Variants in PCNX1 observed in about 807,000 individuals in gnomAD.
PCNX1 encodes pecanex-like protein 1.
A neutral mutation model predicts 242.2 loss-of-function variants in PCNX1; 78 were observed. That is an observed-to-expected ratio of 0.32 (90% CI 0.27 to 0.39). The LOEUF is 0.39. Among genes scored for constraint, PCNX1 ranks in the 10% least tolerant of loss-of-function variants. The pLI is 1.00. For missense variants in PCNX1, 2,581 were observed against 2,856.5 expected, an observed-to-expected ratio of 0.90 and a Z score of 2.20; for synonymous variants, 1,024 against 1,032.9, an observed-to-expected ratio of 0.99 and a Z score of 0.17.
At chr14:70,993,256 G>T (rs1442880236) in intron 7 of PCNX1, among the ~76,000 whole-genome samples, 1 of 151,412 alleles carries the variant, frequency 6.6e-6, no homozygotes, top group African/African-American at 2.4e-5. Context: ...TAGTAGCTGG[G>T]ATTACAGGCG....
At chr14:71,051,813 G>T (rs2061043848) in intron 23 of PCNX1, 70 bp from the exon 24 acceptor site, 4 of 1,494,650 alleles carry the variant, frequency 2.7e-6, no homozygotes, top group Non-Finnish European at 3.6e-6. Flanking sequence ...TGTCTGCTAG[G>T]TTTTTGCGAG....
At chr14:70,995,514 G>T (rs1158319605) in intron 7 of PCNX1, among the ~76,000 whole-genome samples, 3 of 152,102 alleles carry the variant, frequency 2.0e-5, no homozygotes, top group Admixed American at 6.5e-5. Context: ...CAATTTACAT[G>T]TACATTTAAT....
intron 3 of PCNX1, among the ~76,000 whole-genome samples, chr14:70,964,897 T>G (rs918322125): frequency 3.3e-5 from 5 of 152,202 alleles, no homozygotes; most frequent in African/African-American, 1.2e-4. Context: ...AATAAATGGT[T>G]GACATAATTA....
Position 71,108,930 on chromosome 14 carries a change from G to T in PCNX1, c.6628G>T (p.Gly2210Cys). ...IPACKHHTLV[G>C]FLATEGGQSS... ...AGCCTGCAAACATCACACTCTCGTG[G>T]GCTTTCTTGCGACAGAGGGAGGTCA... The change falls in exon 34 of 36, where the codon GGC becomes TGC. Residue 2210 changes from glycine to cysteine, a missense_variant. Coordinates refer to ENST00000304743, the MANE Select transcript of PCNX1 (RefSeq NM_014982.3). 6.2e-7 allele frequency: 1 copy of T among 1,614,224 alleles called. No homozygotes were observed. Among genetic ancestry groups the T allele is most frequent in the Non-Finnish European group, 8.5e-7 (1 of 1,180,044 alleles).
At chr14:70,956,175 A>G (rs1346639856) in intron 2 of PCNX1, among the ~76,000 whole-genome samples, 1 of 152,194 alleles carries the variant, frequency 6.6e-6, no homozygotes, top group East Asian at 1.9e-4. Context: ...CCTGCTCTAA[A>G]TAATGGTGTT....
intron 30 of PCNX1, among the ~76,000 whole-genome samples, chr14:71,100,378 A>G (rs2062431576): frequency 6.6e-6 from 1 of 152,134 alleles, no homozygotes; most frequent in Non-Finnish European, 1.5e-5. Context: ...AGGATATGAA[A>G]TTCTTGGTTG....
intron 1 of PCNX1, among the ~76,000 whole-genome samples, chr14:70,945,138 C>T (rs964247871): frequency 2.6e-4 from 40 of 152,148 alleles, no homozygotes; most frequent in African/African-American, 9.2e-4. Context: ...AAACCAGCCC[C>T]GGCTCCTGAG....
chr14:71,014,397 C>T (rs773026863), intron 11 of PCNX1, among the ~76,000 whole-genome samples: 13 of 152,160 alleles, frequency 8.5e-5, no homozygotes, highest in East Asian at 1.9e-4. Context: ...AGTGAGAAAA[C>T]GACCTCTAAC....
At chr14:70,994,396 G>GATAGATATATATATATATATATATAT (rs1555357306) in intron 7 of PCNX1, among the ~76,000 whole-genome samples, 5 of 96,960 alleles carry the variant, frequency 5.2e-5, no homozygotes, top group Non-Finnish European at 8.7e-5. Flanking sequence ...ACAGGCTTAA[G>GATAGATATATATATATATATATATAT]ATATATATAT....
intron 8 of PCNX1, among the ~76,000 whole-genome samples, chr14:71,001,519 T>C (rs746248317): frequency 3.3e-5 from 5 of 152,238 alleles, no homozygotes; most frequent in Non-Finnish European, 7.3e-5. Context: ...ACTAGAATAT[T>C]ATTTCAAATA....
intron 26 of PCNX1, among the ~76,000 whole-genome samples, chr14:71,066,908 C>T (rs554698536): frequency 1.1e-4 from 16 of 152,182 alleles, no homozygotes; most frequent in East Asian, 7.7e-4. Flanking sequence ...TGATGGATTA[C>T]GTTTATTGAT....
At chr14:71,044,742 C>G (rs1347796864) in intron 19 of PCNX1, 8 of 174,660 alleles carry the variant, frequency 4.6e-5, no homozygotes, top group Non-Finnish European at 7.2e-5. Flanking sequence ...AAACAGTGCA[C>G]TCAGCCAACT....
intron 22 of PCNX1, among the ~76,000 whole-genome samples, chr14:71,050,237 A>G (rs143595939): frequency 6.6e-6 from 1 of 152,058 alleles, no homozygotes; most frequent in Non-Finnish European, 1.5e-5. Context: ...TTAGTTACAT[A>G]TGTATACATG....
chr14:71,104,851 T>C (rs2062565985), intron 32 of PCNX1, among the ~76,000 whole-genome samples: 1 of 151,952 alleles, frequency 6.6e-6, no homozygotes, highest in Admixed American at 6.6e-5. Flanking sequence ...CGTTTGAACT[T>C]GGAGGTGGAG....
chr14:71,065,881 C>A (rs1310809761), intron 26 of PCNX1, among the ~76,000 whole-genome samples: 3 of 152,164 alleles, frequency 2.0e-5, no homozygotes, highest in Non-Finnish European at 4.4e-5. Flanking sequence ...GTCCTTTCCC[C>A]ATTGCTTGTT....
chr14:71,083,784 G>A (rs1595466103), intron 28 of PCNX1, among the ~76,000 whole-genome samples: 1 of 151,934 alleles, frequency 6.6e-6, no homozygotes, highest in East Asian at 1.9e-4. Flanking sequence ...TCCTTGCATT[G>A]GGTTAGAACA....
chr14:70,951,885 T>C (rs1482200939), intron 2 of PCNX1, among the ~76,000 whole-genome samples: 1 of 152,236 alleles, frequency 6.6e-6, no homozygotes, highest in Admixed American at 6.5e-5. Flanking sequence ...ACTTATCTTT[T>C]ATGTCTTATA....
intron 30 of PCNX1, among the ~76,000 whole-genome samples, chr14:71,091,300 C>G (rs2062123300): frequency 1.3e-5 from 2 of 152,082 alleles, no homozygotes; most frequent in Admixed American, 1.3e-4. Context: ...TCACCATTGC[C>G]AAAGTTCATG....
chr14:71,105,343 T>C lies in PCNX1; in HGVS notation c.6204T>C (p.Asn2068=). 1 of 1,613,882 alleles carries C rather than the reference T, an allele frequency of 6.2e-7. No homozygotes were observed. Among genetic ancestry groups the C allele is most frequent in the South Asian group, 1.1e-5 (1 of 91,064 alleles). The change falls in exon 33 of 36, where the codon AAT becomes AAC. Residue 2068 remains asparagine (N), a synonymous_variant. Coordinates refer to ENST00000304743, the MANE Select transcript of PCNX1 (RefSeq NM_014982.3). Reference sequence around the variant, plus strand: ...GTAACAATGCAACAACTGCCAACAATCCCCACAGCAACGTGACCCAGGGAA... The same window carrying C: ...GTAACAATGCAACAACTGCCAACAACCCCCACAGCAACGTGACCCAGGGAA... ...CTGNNATTAN[N]PHSNVTQGSI...
Sources: gnomAD v4.1 joint callset for allele counts (sites outside exome capture counted in the v4.1 genomes callset) on GRCh38, gnomAD v4.1.1 for gene constraint, MANE v1.5 for transcripts, NCBI Gene and HGNC (gene_info 2026-07-23, HGNC 2026-07-21) for gene names.